The following MLXIP variants were observed in gnomAD, a reference collection of about 807,000 sequenced individuals.
MLXIP encodes the protein MLX-interacting protein.
Under a neutral mutation model 87.2 loss-of-function variants are expected in MLXIP, and 30 were observed. The observed-to-expected ratio is 0.34, with a 90% confidence interval of 0.26 to 0.47. MLXIP has a LOEUF of 0.47. MLXIP is among the 20% of genes least tolerant of loss of function. The probability of loss-of-function intolerance (pLI) is 1.00; values close to 1 mark genes in which losing one functional copy is unlikely to be tolerated. For synonymous variants in MLXIP, 530 were observed against 514.0 expected (o/e 1.03, Z -0.42); for missense variants, 1,002 against 1,240.1 (o/e 0.81, Z 2.88).
intron 1 of MLXIP, among the ~76,000 whole-genome samples, chr12:122,122,798 C>T (rs753631817): frequency 2.2e-4 from 34 of 152,078 alleles, no homozygotes; most frequent in Middle Eastern, 3.4e-3. Flanking sequence ...ACACCCGCCT[C>T]GGCCTCCCAA....
chr12:122,138,129 G>A, intron 12 of MLXIP, 65 bp from the exon 13 acceptor site: 2 of 1,408,234 alleles, frequency 1.4e-6, no homozygotes, highest in Non-Finnish European at 1.9e-6. Flanking sequence ...AGCGTAGGGG[G>A]TGAGGAAGGG....
At position 122,133,777 on chromosome 12, in the gene MLXIP, G is replaced by A. The variant is rs1953029025; in HGVS notation, c.1522G>A (p.Val508Met). 6 of 1,613,282 alleles carry A rather than the reference G, an allele frequency of 3.7e-6. No individual in the cohort carries two copies. Among genetic ancestry groups the A allele is most frequent in the South Asian group, 1.1e-5 (1 of 90,946 alleles). ...ATTFSQSQGL[V>M]ITTHHPAPSA... ...CACCTTTAGCCAGAGTCAGGGCCTT[G>A]TGATCACCACCCATCACCCTGCCCC... The change falls in exon 9 of 17, where the codon GTG becomes ATG. Residue 508 changes from valine to methionine, a missense_variant. By Grantham distance (21) the Val-to-Met change is conservative. Around this residue, in one of 3 missense-constraint regions of MLXIP, gnomAD observed 746 missense variants for 897.0 expected, o/e 0.83. Coordinates refer to ENST00000319080, the MANE Select transcript of MLXIP (RefSeq NM_014938.6). The surrounding 1 kb of genome is among the most constrained non-coding windows in gnomAD (Gnocchi z 4.9).
intron 9 of MLXIP, 171 bp downstream of exon 9, chr12:122,134,158 T>G: frequency 3.0e-5 from 23 of 761,270 alleles, no homozygotes; most frequent in Non-Finnish European, 4.0e-5. Flanking sequence ...TACATGGCCA[T>G]GATCTAGTCC....
intron 1 of MLXIP, among the ~76,000 whole-genome samples, chr12:122,125,238 G>T (rs897575880): frequency 3.8e-4 from 57 of 151,480 alleles, no homozygotes; most frequent in Admixed American, 2.4e-3. Context: ...TGGCTGAGGC[G>T]GCAGAATCGC....
At chr12:122,091,745 TG>T (rs966259797) in intron 1 of MLXIP, among the ~76,000 whole-genome samples, 3 of 152,328 alleles carry the variant, frequency 2.0e-5, no homozygotes, top group African/African-American at 7.2e-5. Flanking sequence ...GCAGTTGACT[TG>T]GTCTCAATGA....
At chr12:122,113,016 T>C (rs1952628395) in intron 1 of MLXIP, among the ~76,000 whole-genome samples, 1 of 152,200 alleles carries the variant, frequency 6.6e-6, no homozygotes, top group East Asian at 1.9e-4. Context: ...TGAAAATTAG[T>C]GTTTATCACA....
At chr12:122,113,587 T>G (rs551795995) in intron 1 of MLXIP, among the ~76,000 whole-genome samples, 1 of 151,956 alleles carries the variant, frequency 6.6e-6, no homozygotes, top group African/African-American at 2.4e-5. Flanking sequence ...ATTTTTATCT[T>G]TATTTATATA....
rs766498414 is a variant in MLXIP, at chr12:122,141,076, C to G, written c.2631C>G (p.Leu877=). ...ACCAGCACTGCTCCCTGCCCATCCT[C>G]AGGCCGAGTGAGTGGGGCAGTGCCA... The part of the protein sequence containing the change: ...WLDQHCSLPI[L]RPMVLSTLRQ... Residue 877 remains leucine (L), a synonymous_variant, in exon 16 of 17, where the codon CTC becomes CTG. Transcript: ENST00000319080. 2 of 1,610,134 alleles carry G rather than the reference C, an allele frequency of 1.2e-6. No individual in the cohort carries two copies. Among genetic ancestry groups the G allele is most frequent in the African/African-American group, 2.7e-5 (2 of 74,936 alleles).
At chr12:122,139,734 A>G (rs1206650278) in intron 15 of MLXIP, among the ~76,000 whole-genome samples, 1 of 151,950 alleles carries the variant, frequency 6.6e-6, no homozygotes, top group Non-Finnish European at 1.5e-5. Context: ...GTGCAGTGGT[A>G]CAATCACAGT....
chr12:122,101,579 T>C (rs1399926694), intron 1 of MLXIP, among the ~76,000 whole-genome samples: 1 of 108,770 alleles, frequency 9.2e-6, no homozygotes, highest in East Asian at 2.6e-4. Context: ...TTTTTCTTTT[T>C]TTTTCTTTTT....
chr12:122,117,016 G>A (rs1253190262), intron 1 of MLXIP, among the ~76,000 whole-genome samples: 1 of 152,110 alleles, frequency 6.6e-6, no homozygotes, highest in African/African-American at 2.4e-5. Context: ...CCCTCAAGTT[G>A]CCCTATTTTT....
chr12:122,129,255 G>A (rs372778123), intron 4 of MLXIP, 29 bp downstream of exon 4: 180 of 1,568,314 alleles, frequency 1.1e-4, no homozygotes, highest in East Asian at 2.8e-4. Flanking sequence ...CAGGCAGCCC[G>A]CCTAGGGAGG....
At chr12:122,100,885 C>T (rs1303721412) in intron 1 of MLXIP, among the ~76,000 whole-genome samples, 1 of 152,202 alleles carries the variant, frequency 6.6e-6, no homozygotes, top group African/African-American at 2.4e-5. Context: ...GGTATACATA[C>T]AGACTCCTTT....
intron 1 of MLXIP, among the ~76,000 whole-genome samples, chr12:122,095,493 C>T (rs1304642749): frequency 6.6e-6 from 1 of 151,996 alleles, no homozygotes; most frequent in Non-Finnish European, 1.5e-5. Context: ...TGTATTTATC[C>T]GCCACACAGT....
intron 1 of MLXIP, among the ~76,000 whole-genome samples, chr12:122,121,111 G>C (rs1952776949): frequency 6.7e-6 from 1 of 148,478 alleles, no homozygotes; most frequent in Non-Finnish European, 1.5e-5. Context: ...CCAGGTTCAA[G>C]CGATTCCCCT....
intron 1 of MLXIP, among the ~76,000 whole-genome samples, chr12:122,109,441 C>T (rs1004284299): frequency 6.6e-6 from 1 of 151,160 alleles, no homozygotes; most frequent in Admixed American, 6.6e-5. Flanking sequence ...TGGCCTTAAG[C>T]GATCCACACT....
At chr12:122,118,389 G>C (rs1195267285) in intron 1 of MLXIP, among the ~76,000 whole-genome samples, 1 of 152,190 alleles carries the variant, frequency 6.6e-6, no homozygotes, top group Non-Finnish European at 1.5e-5. Context: ...ATACAAAACG[G>C]TGTTCAGTGA....
rs1183562672 is a variant in MLXIP, at chr12:122,137,617, T to C, written c.2154+27T>C. On this transcript the variant is annotated intron_variant, in intron 12 of 16. Coordinates refer to ENST00000319080, the MANE Select transcript of MLXIP (RefSeq NM_014938.6). The surrounding 1 kb of genome is among the most constrained non-coding windows in gnomAD (Gnocchi z 4.1). ...TACCGCATGTCTCCTCTTGGTTCCCTTGGGAGGAGGGGAGAGGAGTGCAGG... is the reference window on the plus strand; with the variant it reads ...TACCGCATGTCTCCTCTTGGTTCCCCTGGGAGGAGGGGAGAGGAGTGCAGG... 13 of 1,611,132 alleles carry C rather than the reference T, an allele frequency of 8.1e-6. No individual in the cohort carries two copies. The highest frequency in any genetic ancestry group is 1.1e-5 in the Non-Finnish European group (13 of 1,178,464).
intron 1 of MLXIP, among the ~76,000 whole-genome samples, chr12:122,098,966 G>C (rs1386511920): frequency 6.6e-6 from 1 of 152,252 alleles, no homozygotes; most frequent in African/African-American, 2.4e-5. Flanking sequence ...AGCTGGGCGT[G>C]GTGGCTCACG....
Sources: allele counts gnomAD v4.1 joint callset (sites outside exome capture counted in the v4.1 genomes callset), GRCh38; gene constraint gnomAD v4.1.1; regional missense constraint gnomAD v4.1.1; non-coding constraint Gnocchi (gnomAD v3.1); transcripts MANE v1.5; gene names NCBI Gene and HGNC (gene_info 2026-07-23, HGNC 2026-07-21).